Variants in SCAI observed in about 807,000 individuals in gnomAD.
SCAI encodes protein SCAI.
Under a neutral mutation model 92.2 loss-of-function variants are expected in SCAI, and 24 were observed. The ratio of observed to expected loss-of-function variants is 0.26; its 90% CI spans 0.19 to 0.37. The LOEUF (loss-of-function observed/expected upper bound fraction) is 0.37. SCAI is among the 10% of genes least tolerant of loss of function. SCAI has a pLI of 1.00. For synonymous variants in SCAI, 261 were observed against 258.6 expected, an observed-to-expected ratio of 1.01 and a Z score of -0.09; for missense variants, 450 against 736.2, an observed-to-expected ratio of 0.61 and a Z score of 4.50.
chr9:125,020,056 G>A (rs566299860), intron 7 of SCAI, among the ~76,000 whole-genome samples: 53 of 133,010 alleles, frequency 4.0e-4, no homozygotes, highest in African/African-American at 1.5e-3. Flanking sequence ...CTGGATGACA[G>A]AGCGAGACCT....
chr9:125,100,461 G>A (rs1034743911), intron 2 of SCAI, among the ~76,000 whole-genome samples: 5 of 152,152 alleles, frequency 3.3e-5, no homozygotes, highest in African/African-American at 1.2e-4. Flanking sequence ...GCAGACGAGT[G>A]CCAGCACCAG....
At chr9:125,024,425 G>A (rs922616371) in intron 6 of SCAI, among the ~76,000 whole-genome samples, 1 of 152,046 alleles carries the variant, frequency 6.6e-6, no homozygotes, top group African/African-American at 2.4e-5. Flanking sequence ...ACAGGCGCGT[G>A]CCACCACGCC....
chr9:125,037,041 G>A (rs1246795125), intron 3 of SCAI, among the ~76,000 whole-genome samples: 1 of 152,170 alleles, frequency 6.6e-6, no homozygotes, highest in Non-Finnish European at 1.5e-5. Context: ...GGCCGAGGCA[G>A]GCTGATCACC....
chr9:125,051,017 C>CTTAT (rs933328068), intron 3 of SCAI, among the ~76,000 whole-genome samples: 14 of 151,846 alleles, frequency 9.2e-5, no homozygotes, highest in African/African-American at 2.9e-4. Context: ...ATAATTATGG[C>CTTAT]TTATTTATTT....
chr9:124,968,751 A>T, intron 17 of SCAI: 2 of 1,171,220 alleles, frequency 1.7e-6, no homozygotes, highest in South Asian at 2.4e-5. Flanking sequence ...GAGGCCATGG[A>T]GGTTCAAACT....
intron 2 of SCAI, among the ~76,000 whole-genome samples, chr9:125,123,644 G>A (rs1220932955): frequency 1.3e-5 from 2 of 152,018 alleles, no homozygotes; most frequent in African/African-American, 4.8e-5. Flanking sequence ...GCATGGTGGC[G>A]GGCACCTGGA....
intron 14 of SCAI, among the ~76,000 whole-genome samples, chr9:124,986,856 G>A (rs1187629895): frequency 6.6e-6 from 1 of 152,204 alleles, no homozygotes; most frequent in Admixed American, 6.5e-5. Context: ...ACTGATTGCT[G>A]TAGACATCAG....
At chr9:124,959,505 C>CATAT (rs558260282) in intron 17 of SCAI, among the ~76,000 whole-genome samples, 4 of 145,968 alleles carry the variant, frequency 2.7e-5, no homozygotes, top group African/African-American at 1.0e-4. Flanking sequence ...TATATATACA[C>CATAT]ATATATATAT....
At chr9:124,978,584 G>A (rs1014088460) in intron 14 of SCAI, among the ~76,000 whole-genome samples, 1 of 152,126 alleles carries the variant, frequency 6.6e-6, no homozygotes, top group African/African-American at 2.4e-5. Flanking sequence ...AATTTAACTT[G>A]GCAGCATCTA....
intron 2 of SCAI, among the ~76,000 whole-genome samples, chr9:125,111,545 CT>C (rs984617447): frequency 6.7e-6 from 1 of 149,440 alleles, no homozygotes; most frequent in Non-Finnish European, 1.5e-5. Context: ...CATTATGAGA[CT>C]TTTTTTGTGA....
At chr9:125,094,204 TG>T (rs1834500117) in intron 2 of SCAI, among the ~76,000 whole-genome samples, 1 of 152,208 alleles carries the variant, frequency 6.6e-6, no homozygotes, top group African/African-American at 2.4e-5. Context: ...GTCTTTACAA[TG>T]GCTTACAAGG....
At chr9:125,092,801 T>C (rs781196549) in intron 2 of SCAI, among the ~76,000 whole-genome samples, 4 of 152,222 alleles carry the variant, frequency 2.6e-5, no homozygotes, top group Non-Finnish European at 5.9e-5. Flanking sequence ...GCCTTCATGC[T>C]GTTTCTCTAC....
At chr9:125,098,263 T>C (rs1262573203) in intron 2 of SCAI, among the ~76,000 whole-genome samples, 6 of 151,926 alleles carry the variant, frequency 3.9e-5, no homozygotes, top group Admixed American at 2.0e-4. Flanking sequence ...TGCTATGTTG[T>C]CCAGGCCAGT....
intron 2 of SCAI, among the ~76,000 whole-genome samples, chr9:125,122,081 T>G (rs1307922291): frequency 1.3e-5 from 2 of 152,134 alleles, no homozygotes; most frequent in African/African-American, 2.4e-5. Context: ...ACTAAATACA[T>G]GTATGTCATT....
chr9:125,128,814 G>C (rs1461692287), intron 2 of SCAI, among the ~76,000 whole-genome samples: 2 of 151,590 alleles, frequency 1.3e-5, no homozygotes, highest in African/African-American at 2.4e-5. Context: ...TGTAATCCCA[G>C]CATTTTGGGA....
chr9:124,968,932 A>T, intron 17 of SCAI: 3 of 405,534 alleles, frequency 7.4e-6, no homozygotes, highest in East Asian at 4.3e-5. Context: ...AATTTTTCCA[A>T]TTTATTTTTT....
chr9:125,063,110 C>A (rs190052746), intron 2 of SCAI, among the ~76,000 whole-genome samples: 17 of 145,032 alleles, frequency 1.2e-4, no homozygotes, highest in Non-Finnish European at 2.2e-4. Context: ...CCACCCCCCC[C>A]AGAAAAGGGC....
At chr9:125,134,123 TAGTC>T (rs1344330383) in intron 2 of SCAI, among the ~76,000 whole-genome samples, 2 of 152,184 alleles carry the variant, frequency 1.3e-5, no homozygotes, top group Admixed American at 1.3e-4. Flanking sequence ...ACCTCATTAT[TAGTC>T]AGTCTACATC....
chr9:125,099,366 C>A (rs922012758), intron 2 of SCAI, among the ~76,000 whole-genome samples: 2 of 151,906 alleles, frequency 1.3e-5, no homozygotes, highest in African/African-American at 4.8e-5. Flanking sequence ...CAGTTCACTG[C>A]AACCTCCGCC....
Sources: gnomAD v4.1 joint callset for allele counts (sites outside exome capture counted in the v4.1 genomes callset) on GRCh38, gnomAD v4.1.1 for gene constraint, MANE v1.5 for transcripts, NCBI Gene and HGNC (gene_info 2026-07-23, HGNC 2026-07-21) for gene names.